The following RBFOX1 variants were observed in gnomAD, a reference collection of about 807,000 sequenced individuals.
The protein encoded by RBFOX1 is RNA binding protein fox-1 homolog 1.
RBFOX1 carries 8 observed loss-of-function variants against 57.7 expected under a neutral mutation model. The observed-to-expected ratio is 0.14, with a 90% confidence interval of 0.08 to 0.25. The LOEUF (loss-of-function observed/expected upper bound fraction) is 0.25. Ranked by LOEUF, RBFOX1 falls within the 10% of genes least tolerant of loss-of-function variation. The probability of loss-of-function intolerance (pLI) is 1.00; values close to 1 mark genes in which losing one functional copy is unlikely to be tolerated. For synonymous variants in RBFOX1, 326 were observed against 222.4 expected (o/e 1.47, Z -4.15); for missense variants, 611 against 548.5 (o/e 1.11, Z -1.14).
At chr16:5,684,711 C>T (rs1002815585) in intron 3 of RBFOX1, among the ~76,000 whole-genome samples, 171 of 152,170 alleles carry the variant, frequency 1.1e-3, no homozygotes, top group Non-Finnish European at 5.9e-5. Context: ...AGCTATCAAA[C>T]GATATTGCAA....
At chr16:6,973,301 T>C (rs1389178197) in intron 3 of RBFOX1, among the ~76,000 whole-genome samples, 1 of 152,158 alleles carries the variant, frequency 6.6e-6, no homozygotes, top group Non-Finnish European at 1.5e-5. Context: ...TTATGTGCCA[T>C]GCAGACAAAA....
intron 3 of RBFOX1, among the ~76,000 whole-genome samples, chr16:5,697,044 G>C (rs2058167): frequency 0.74 from 112,016 of 152,108 alleles, 42,704 homozygotes; most frequent in African/African-American, 0.86. Flanking sequence ...TCCCGAGTAG[G>C]TGGGACTACA....
At chr16:7,563,808 A>C (rs1436919770) in intron 5 of RBFOX1, among the ~76,000 whole-genome samples, 1 of 140,774 alleles carries the variant, frequency 7.1e-6, no homozygotes, top group Admixed American at 7.0e-5. Context: ...CCAAAAGCCA[A>C]ATCTTTGCAA....
At chr16:7,212,471 G>C (rs1015950494) in intron 4 of RBFOX1, among the ~76,000 whole-genome samples, 21 of 152,112 alleles carry the variant, frequency 1.4e-4, no homozygotes, top group Non-Finnish European at 7.4e-5. Context: ...CTGCTTTAGA[G>C]TTTAGGGAAT....
intron 3 of RBFOX1, among the ~76,000 whole-genome samples, chr16:6,988,747 GTTTGT>G (rs1360304709): frequency 2.2e-4 from 22 of 101,444 alleles, no homozygotes; most frequent in African/African-American, 5.8e-4. Context: ...TTTTTTGTTT[GTTTGT>G]TTTTTGTTTT....
At chr16:7,143,026 A>G (rs779081465) in intron 4 of RBFOX1, among the ~76,000 whole-genome samples, 16 of 151,984 alleles carry the variant, frequency 1.1e-4, no homozygotes, top group Non-Finnish European at 1.9e-4. Context: ...AGGAGAGGTA[A>G]AATTTGTCAT....
At chr16:5,852,225 C>G (rs188948827) in intron 3 of RBFOX1, among the ~76,000 whole-genome samples, 1 of 152,224 alleles carries the variant, frequency 6.6e-6, no homozygotes, top group East Asian at 1.9e-4. Context: ...TAGCCTTTGC[C>G]CATGCTGTCT....
At chr16:6,058,833 TATCCATCCATCC>T (rs35496154) in intron 1 of RBFOX1, among the ~76,000 whole-genome samples, 122 of 134,410 alleles carry the variant, frequency 9.1e-4, no homozygotes, top group Middle Eastern at 4.0e-3. Flanking sequence ...CTCATTTATT[TATCCATCCATCC>T]ATCCATCCAT....
At chr16:7,215,395 A>G (rs1346146196) in intron 4 of RBFOX1, among the ~76,000 whole-genome samples, 2 of 152,216 alleles carry the variant, frequency 1.3e-5, no homozygotes, top group African/African-American at 2.4e-5. Flanking sequence ...AGTAATTACA[A>G]TAGCAAAGAC....
intron 4 of RBFOX1, among the ~76,000 whole-genome samples, chr16:7,166,016 T>G (rs773521940): frequency 2.0e-5 from 3 of 151,238 alleles, no homozygotes; most frequent in Admixed American, 6.6e-5. Flanking sequence ...AGTCTATTTT[T>G]GTTGTTGTTG....
chr16:7,236,882 G>C (rs2093794633), intron 4 of RBFOX1, among the ~76,000 whole-genome samples: 1 of 152,124 alleles, frequency 6.6e-6, no homozygotes, highest in South Asian at 2.1e-4. Context: ...ACCTTCTCTA[G>C]AATGGCTGTT....
intron 4 of RBFOX1, among the ~76,000 whole-genome samples, chr16:5,994,840 G>A (rs1410646936): frequency 2.0e-5 from 3 of 152,184 alleles, no homozygotes; most frequent in South Asian, 2.1e-4. Flanking sequence ...AAAGGGCCAA[G>A]TGCCCAATGA....
At chr16:6,305,725 G>A (rs2079430104) in intron 1 of RBFOX1, among the ~76,000 whole-genome samples, 1 of 150,334 alleles carries the variant, frequency 6.7e-6, no homozygotes, top group Admixed American at 6.6e-5. Flanking sequence ...TTTCCACCTC[G>A]TGCATTGGAT....
intron 3 of RBFOX1, among the ~76,000 whole-genome samples, chr16:5,736,888 G>T (rs1341030748): frequency 9.4e-5 from 11 of 117,240 alleles, no homozygotes; most frequent in Non-Finnish European, 1.3e-4. Context: ...CTTGTTTCTC[G>T]CTCTCTCTCC....
At chr16:6,546,822 G>T (rs1007476834) in intron 2 of RBFOX1, among the ~76,000 whole-genome samples, 1 of 152,146 alleles carries the variant, frequency 6.6e-6, no homozygotes, top group Non-Finnish European at 1.5e-5. Flanking sequence ...CTCCATAATA[G>T]GACCAAAGAT....
intron 14 of RBFOX1, among the ~76,000 whole-genome samples, chr16:7,691,333 T>TA (rs1405995958): frequency 2.8e-5 from 4 of 141,068 alleles, no homozygotes; most frequent in African/African-American, 1.1e-4. Flanking sequence ...AGACCAGGGG[T>TA]AAAAAATAAA....
chr16:6,572,138 C>G (rs1298787341), intron 2 of RBFOX1, among the ~76,000 whole-genome samples: 1 of 152,126 alleles, frequency 6.6e-6, no homozygotes, highest in Non-Finnish European at 1.5e-5. Context: ...ATCTCATTGT[C>G]ATCTCATTCT....
intron 1 of RBFOX1, among the ~76,000 whole-genome samples, chr16:6,084,256 T>C (rs2096054306): frequency 1.3e-5 from 2 of 152,074 alleles, no homozygotes; most frequent in Non-Finnish European, 2.9e-5. Context: ...TTGTTTTTGT[T>C]TTTTTGAGAC....
chr16:5,904,236 T>G (rs1567693706), intron 4 of RBFOX1, among the ~76,000 whole-genome samples: 1 of 152,076 alleles, frequency 6.6e-6, no homozygotes, highest in Non-Finnish European at 1.5e-5. Context: ...CTTCCCACTG[T>G]GAAAAACTAA....
Sources: gnomAD v4.1 joint callset for allele counts (sites outside exome capture counted in the v4.1 genomes callset) on GRCh38, gnomAD v4.1.1 for gene constraint, MANE v1.5 for transcripts, NCBI Gene and HGNC (gene_info 2026-07-23, HGNC 2026-07-21) for gene names.